TULP2: variants seen among roughly 807,000 people sequenced by gnomAD.
The protein encoded by TULP2 is TUB like protein 2.
A neutral mutation model predicts 60.3 loss-of-function variants in TULP2; 64 were observed. That is an observed-to-expected ratio of 1.06 (90% confidence interval 0.87 to 1.31). The LOEUF (loss-of-function observed/expected upper bound fraction) is 1.31. Ranked by LOEUF, TULP2 falls within the 50% of genes most tolerant of loss-of-function variation. The probability of loss-of-function intolerance (pLI) is 0.00; values close to 1 mark genes in which losing one functional copy is unlikely to be tolerated. For missense variants in TULP2, 652 were observed against 667.0 expected, an observed-to-expected ratio of 0.98 and a Z score of 0.25; for synonymous variants, 267 against 265.4, an observed-to-expected ratio of 1.01 and a Z score of -0.06.
rs781093359 is a variant in TULP2, at chr19:48,897,861, T to C, written c.8A>G (p.Gln3Arg). 7 of 1,613,224 alleles carry C rather than the reference T, an allele frequency of 4.3e-6. No individual in the cohort carries two copies. The highest frequency in any genetic ancestry group is 5.9e-6 in the Non-Finnish European group (7 of 1,179,634). MS[Q>R]DNDTLMRDIL... ...CTCTCTCATCAATGTGTCATTATCC[T>C]GAGACATTCTGCAGAAGCAAGAATG... Residue 3 changes from glutamine to arginine, a missense_variant, in exon 2 of 13, where the codon CAG becomes CGG. By Grantham distance (43) the Gln-to-Arg change is conservative (BLOSUM62 1). Coordinates refer to ENST00000221399, the MANE Select transcript of TULP2 (RefSeq NM_003323.3). This position sits in a 1 kb window ranked among gnomAD's most constrained non-coding sequence, Gnocchi z 4.0.
intron 9 of TULP2, 115 bp from the exon 10 acceptor site, chr19:48,884,161 A>G (rs958477367): frequency 2.4e-6 from 2 of 824,348 alleles, no homozygotes; most frequent in Admixed American, 4.5e-5. Context: ...CTATGTCCGA[A>G]TGTCTAAGAA....
chr19:48,897,796 C>A lies in TULP2; in HGVS notation c.32+41G>T. The stretch of plus-strand genomic sequence containing the variant: ...GAGCCGAGTGCACGGGGTCCCCAGC[C>A]CTTTCCACCTCCACCCCTACCCATC... On this transcript the variant is annotated intron_variant, in intron 2 of 12. Coordinates refer to ENST00000221399, the MANE Select transcript of TULP2 (RefSeq NM_003323.3). This position sits in a 1 kb window ranked among gnomAD's most constrained non-coding sequence, Gnocchi z 4.0. 6.2e-7 allele frequency: 1 copy of A among 1,611,552 alleles called. No homozygotes were observed. The highest frequency in any genetic ancestry group is 8.5e-7 in the Non-Finnish European group (1 of 1,177,982).
chr19:48,892,107 CCTT>C (rs1223509203), intron 6 of TULP2, among the ~76,000 whole-genome samples: 2 of 152,198 alleles, frequency 1.3e-5, no homozygotes, highest in Non-Finnish European at 1.5e-5. Context: ...ACAGATGCCT[CCTT>C]CTTATCTTAA....
chr19:48,895,172 G>A lies in TULP2; in HGVS notation c.350-10C>T. On this transcript the variant is annotated splice_polypyrimidine_tract_variant and intron_variant, in intron 5 of 12. Transcript: ENST00000221399. ...CCGAGATTCCTGAACACTGAGGAAG[G>A]AAGGAGGGGAGAGTTGGATTTCTGG... is the stretch of plus-strand genomic sequence containing the variant. 6.2e-7 allele frequency: 1 copy of A among 1,611,892 alleles called. No individual in the cohort carries two copies.
intron 8 of TULP2, among the ~76,000 whole-genome samples, chr19:48,887,311 C>CTTTTTTTTTTTTTTTTGTTTTTTTTTTT (rs2037189055): frequency 2.5e-5 from 1 of 39,330 alleles, no homozygotes; most frequent in Non-Finnish European, 5.2e-5. Context: ...GCGCCCAGCC[C>CTTTTTTTTTTTTTTTTGTTTTTTTTTTT]TTTTTTTTTT....
rs189198749 is a variant in TULP2 at position 48,887,157 on chromosome 19, G to A, written c.948+793C>T. The stretch of plus-strand genomic sequence containing the variant: ...CTCCTGAGTAGCTGGGATTACAGGC[G>A]CCCACAACCACGCCTGGCTAACTTT... On this transcript the variant is annotated intron_variant, in intron 8 of 12. Transcript: ENST00000221399. Among the ~76,000 whole-genome samples, 434 of 149,878 alleles carry A rather than the reference G, an allele frequency of 2.9e-3. 5 individuals are homozygous for A. Among genetic ancestry groups the A allele is most frequent in the Admixed American group, 0.027 (395 of 14,870 alleles).
intron 11 of TULP2, among the ~76,000 whole-genome samples, chr19:48,882,791 A>G (rs2037146402): frequency 6.6e-6 from 1 of 152,228 alleles, no homozygotes; most frequent in South Asian, 2.1e-4. Flanking sequence ...GCTTGCTTGG[A>G]CCGGTACAAG....
intron 12 of TULP2, among the ~76,000 whole-genome samples, chr19:48,881,429 T>C (rs1346184093): frequency 2.1e-5 from 3 of 146,166 alleles, no homozygotes; most frequent in African/African-American, 7.7e-5. Flanking sequence ...TTGCCCAGGC[T>C]GGAGAGCAGT....
chr19:48,891,402 G>A (rs1257679401), intron 6 of TULP2, among the ~76,000 whole-genome samples: 2 of 152,060 alleles, frequency 1.3e-5, no homozygotes, highest in Non-Finnish European at 2.9e-5. Flanking sequence ...GGAGGCGGAG[G>A]TGGGCGGATC....
In TULP2 at chr19:48,897,249, C is replaced by G; in HGVS notation, c.84+96G>C. 1 of 1,351,894 alleles carries G rather than the reference C, an allele frequency of 7.4e-7. No individual in the cohort carries two copies. The highest frequency in any genetic ancestry group is 1.0e-6 in the Non-Finnish European group (1 of 958,982). 83.7% of individuals were successfully genotyped at this position (1,351,894 alleles called of 1,614,324 possible). On this transcript the variant is annotated intron_variant, in intron 3 of 12. Transcript: ENST00000221399. This position sits in a 1 kb window ranked among gnomAD's most constrained non-coding sequence, Gnocchi z 4.0. ...ACTCAAGGATGAGAGACAGCCAACA[C>G]GGGCTGGGAGTCCTAGAGCAAGACC...
At chr19:48,882,691 G>T (rs1221799156) in intron 11 of TULP2, among the ~76,000 whole-genome samples, 1 of 152,134 alleles carries the variant, frequency 6.6e-6, no homozygotes, top group African/African-American at 2.4e-5. Context: ...AAAAGCAGAA[G>T]AATACAAAGT....
At chr19:48,892,066 G>A (rs908189701) in intron 6 of TULP2, among the ~76,000 whole-genome samples, 1 of 152,338 alleles carries the variant, frequency 6.6e-6, no homozygotes, top group South Asian at 2.1e-4. Flanking sequence ...GTTTTACACT[G>A]AGTCATTCCA....
intron 9 of TULP2, 42 bp downstream of exon 9, chr19:48,885,406 C>T: frequency 6.4e-7 from 1 of 1,562,064 alleles, no homozygotes; most frequent in Non-Finnish European, 8.8e-7. Context: ...TCCCTAAGCT[C>T]CCTGCTACCT....
At position 48,881,104 on chromosome 19, in the gene TULP2, G is replaced by A. The variant is rs372745820; in HGVS notation, c.1470C>T (p.Phe490=). 13 of 1,611,996 alleles carry A rather than the reference G, an allele frequency of 8.1e-6. No individual in the cohort carries two copies. Among genetic ancestry groups the A allele is most frequent in the South Asian group, 1.1e-5 (1 of 91,046 alleles). ...PKHQEHLVLQ[F]GRVGPDTFTM... ...TGAATGTGTCTGGGCCCACTCGGCC[G>A]AACTGGAGCACCAGATGTTCTTCTG... Residue 490 remains phenylalanine, a synonymous_variant, in exon 13 of 13, where the codon TTC becomes TTT. Transcript: ENST00000221399.
At chr19:48,887,338 T>TTTTTTTTTTTTTTTA (rs1285265988) in intron 8 of TULP2, among the ~76,000 whole-genome samples, 4 of 95,254 alleles carry the variant, frequency 4.2e-5, no homozygotes, top group Non-Finnish European at 8.2e-5. Flanking sequence ...TTTTTTTTTT[T>TTTTTTTTTTTTTTTA]TTTTTATGCA....
Position 48,897,284 on chromosome 19 carries a change from G to A in TULP2, c.84+61C>T, listed in dbSNP as rs2037291316. ...GTCCTAGAGCAAGACCTGGTGGAGA[G>A]GCCCCTGGGGAGGCACAGAAGGCGG... On this transcript the variant is annotated intron_variant, in intron 3 of 12. Transcript: ENST00000221399. The surrounding 1 kb of genome is among the most constrained non-coding windows in gnomAD (Gnocchi z 4.0). The A allele has an allele frequency of 6.4e-7, 1 of 1,570,732 alleles. No individual in the cohort carries two copies. Among genetic ancestry groups the A allele is most frequent in the African/African-American group, 1.4e-5 (1 of 73,988 alleles).
intron 4 of TULP2, 69 bp from the exon 5 acceptor site, chr19:48,895,572 G>A (rs1232151317): frequency 1.3e-6 from 2 of 1,543,898 alleles, no homozygotes; most frequent in South Asian, 1.2e-5. Flanking sequence ...AATCCACCCC[G>A]TCACTGGGCT....
chr19:48,895,345 G>T (rs1229148911), intron 5 of TULP2, 21 bp downstream of exon 5: 2 of 1,612,114 alleles, frequency 1.2e-6, no homozygotes, highest in Non-Finnish European at 1.7e-6. Context: ...GGGTCTAGGA[G>T]GTCGGTGGAC....
In TULP2 at chr19:48,881,998, C is replaced by G. The variant is rs779942473; in HGVS notation, c.1447+34G>C. ...CGTTCACACCCTAACCCCCACCCCA[C>G]CTGGCCCGGCTAAACTGGTTTCCAG... On this transcript the variant is annotated intron_variant, in intron 12 of 12. Coordinates refer to ENST00000221399, the MANE Select transcript of TULP2 (RefSeq NM_003323.3). 4 of 1,614,166 alleles carry G rather than the reference C, an allele frequency of 2.5e-6. No homozygotes were observed. In the East Asian group the frequency reaches 8.9e-5, roughly 36 times the overall value.
Sources: gnomAD v4.1 joint callset for allele counts (sites outside exome capture counted in the v4.1 genomes callset) on GRCh38, gnomAD v4.1.1 for gene constraint, Gnocchi (gnomAD v3.1) non-coding constraint, MANE v1.5 for transcripts, NCBI Gene and HGNC (gene_info 2026-07-23, HGNC 2026-07-21) for gene names.